Variants in TCF12 observed in about 807,000 individuals in gnomAD.
The protein encoded by TCF12 is transcription factor 12.
In TCF12, 45 loss-of-function variants were observed where a neutral mutation model predicts 86.0. That is an observed-to-expected ratio of 0.52 (90% CI 0.41 to 0.67). The LOEUF is 0.67. TCF12 is among the 30% of genes least tolerant of loss of function. The pLI is 0.00. For synonymous variants in TCF12, 330 were observed against 299.6 expected (o/e 1.10, Z -1.05); for missense variants, 881 against 859.9 (o/e 1.02, Z -0.31).
intron 3 of TCF12, among the ~76,000 whole-genome samples, chr15:57,030,830 T>C (rs1326816898): frequency 1.3e-5 from 2 of 152,248 alleles, no homozygotes; most frequent in Admixed American, 6.5e-5. Context: ...TTATCTTCCA[T>C]GTGTATAACC....
At position 57,229,443 on chromosome 15, in the gene TCF12, A is replaced by C. The variant is rs79699818; in HGVS notation, c.580-1709A>C. 3.6e-3 allele frequency among the ~76,000 whole-genome samples: 546 copies of C among 151,958 alleles called. 2 individuals are homozygous for C. Among genetic ancestry groups the C allele is most frequent in the African/African-American group, 0.013 (528 of 41,526 alleles). The stretch of plus-strand genomic sequence containing the variant: ...TTTTCTAAGACTTCTCAGGTACCAC[A>C]GATGTGTGTTTTTACCTCTGGGATG... On this transcript the variant is annotated intron_variant, in intron 8 of 20. Transcript: ENST00000333725.
chr15:57,013,772 TTTAAG>T (rs1310086269), intron 3 of TCF12, among the ~76,000 whole-genome samples: 2 of 152,240 alleles, frequency 1.3e-5, no homozygotes, highest in African/African-American at 4.8e-5. Flanking sequence ...CTTGTGCGTT[TTTAAG>T]TTAACACCTA....
chr15:57,142,607 A>G (rs1481016666), intron 5 of TCF12, among the ~76,000 whole-genome samples: 1 of 152,244 alleles, frequency 6.6e-6, no homozygotes, highest in Non-Finnish European at 1.5e-5. Flanking sequence ...TTATGCTGAT[A>G]AATGAATAAA....
intron 8 of TCF12, among the ~76,000 whole-genome samples, chr15:57,205,302 T>TA (rs1171346829): frequency 1.3e-5 from 2 of 151,720 alleles, no homozygotes; most frequent in African/African-American, 2.4e-5. Flanking sequence ...GACCCTGTCT[T>TA]AAAAAAAATA....
intron 8 of TCF12, among the ~76,000 whole-genome samples, chr15:57,226,458 A>G (rs1256461912): frequency 6.6e-6 from 1 of 152,126 alleles, no homozygotes; most frequent in Non-Finnish European, 1.5e-5. Flanking sequence ...CCTTTCACAT[A>G]TTTGAGGCCC....
intron 12 of TCF12, 26 bp downstream of exon 12, chr15:57,234,133 CTGAA>C: frequency 6.3e-7 from 1 of 1,590,722 alleles, no homozygotes. Context: ...ACACATTCTA[CTGAA>C]TGAATTTTAC....
At chr15:57,213,109 C>T (rs1368329279) in intron 8 of TCF12, among the ~76,000 whole-genome samples, 3 of 152,160 alleles carry the variant, frequency 2.0e-5, no homozygotes, top group East Asian at 1.9e-4. Context: ...GAAGCATAAC[C>T]AAATACTGGT....
chr15:56,973,876 GT>G (rs1323006585), intron 3 of TCF12, among the ~76,000 whole-genome samples: 2 of 152,074 alleles, frequency 1.3e-5, no homozygotes, highest in Non-Finnish European at 2.9e-5. Context: ...TCACTTTTGT[GT>G]TATTCCTGCC....
intron 6 of TCF12, among the ~76,000 whole-genome samples, chr15:57,186,446 C>T (rs750415948): frequency 6.6e-6 from 1 of 152,122 alleles, no homozygotes; most frequent in Non-Finnish European, 1.5e-5. Flanking sequence ...CTGCAGTGAG[C>T]CATCATTGAG....
At chr15:57,138,255 C>A (rs1455465992) in intron 5 of TCF12, among the ~76,000 whole-genome samples, 3 of 152,236 alleles carry the variant, frequency 2.0e-5, no homozygotes, top group African/African-American at 7.2e-5. Flanking sequence ...TCAGCGTTAA[C>A]TAAAGATTTC....
intron 3 of TCF12, chr15:57,001,438 CAAAG>C (rs1238751148): frequency 1.8e-4 from 31 of 176,926 alleles, no homozygotes; most frequent in African/African-American, 7.1e-4. Flanking sequence ...ATTATTTTAA[CAAAG>C]AAAATTAACA....
chr15:57,017,032 C>A (rs1289314518), intron 3 of TCF12, among the ~76,000 whole-genome samples: 1 of 152,144 alleles, frequency 6.6e-6, no homozygotes, highest in Non-Finnish European at 1.5e-5. Flanking sequence ...CTGATATATT[C>A]TTGCTGGGAT....
intron 19 of TCF12, among the ~76,000 whole-genome samples, chr15:57,276,829 G>A (rs1485236343): frequency 2.3e-5 from 3 of 130,322 alleles, no homozygotes; most frequent in African/African-American, 5.9e-5. Context: ...TTTTGAGGCC[G>A]AGTCTCGCCC....
At chr15:57,071,090 A>G (rs1471785987) in intron 4 of TCF12, among the ~76,000 whole-genome samples, 1 of 152,100 alleles carries the variant, frequency 6.6e-6, no homozygotes, top group Non-Finnish European at 1.5e-5. Flanking sequence ...ATGCTTAGAC[A>G]TGTAAGTCAT....
At chr15:57,011,682 T>A (rs1705746236) in intron 3 of TCF12, among the ~76,000 whole-genome samples, 1 of 152,036 alleles carries the variant, frequency 6.6e-6, no homozygotes, top group African/African-American at 2.4e-5. Context: ...ACCCCTAATT[T>A]GCAGACACCA....
intron 5 of TCF12, among the ~76,000 whole-genome samples, chr15:57,148,288 T>G (rs571514807): frequency 2.6e-3 from 396 of 152,046 alleles, no homozygotes; most frequent in Non-Finnish European, 4.8e-3. Flanking sequence ...AAATAATATT[T>G]GAATAAATGC....
At chr15:57,098,959 G>A (rs989304443) in intron 5 of TCF12, among the ~76,000 whole-genome samples, 5 of 152,144 alleles carry the variant, frequency 3.3e-5, no homozygotes, top group Non-Finnish European at 7.3e-5. Context: ...GAAAATTTAG[G>A]AGTACAGTGT....
At chr15:57,226,927 A>T (rs1008957757) in intron 8 of TCF12, among the ~76,000 whole-genome samples, 2 of 151,976 alleles carry the variant, frequency 1.3e-5, no homozygotes, top group African/African-American at 2.4e-5. Context: ...TAGCTACTGT[A>T]TTGTACAGCA....
intron 3 of TCF12, among the ~76,000 whole-genome samples, chr15:57,054,562 G>A (rs571380024): frequency 2.6e-5 from 4 of 152,094 alleles, no homozygotes; most frequent in Non-Finnish European, 5.9e-5. Flanking sequence ...GGGTGTGTTC[G>A]CACTGAAAAG....
Sources: gnomAD v4.1 joint callset for allele counts (sites outside exome capture counted in the v4.1 genomes callset) on GRCh38, gnomAD v4.1.1 for gene constraint, MANE v1.5 for transcripts, NCBI Gene and HGNC (gene_info 2026-07-23, HGNC 2026-07-21) for gene names.